CYB5R4: variants seen among roughly 807,000 people sequenced by gnomAD.
CYB5R4 encodes the protein cytochrome b5 reductase 4.
In CYB5R4, 55 loss-of-function variants were observed where a neutral mutation model predicts 70.2. The ratio of observed to expected loss-of-function variants is 0.78; its 90% CI spans 0.63 to 0.98. The LOEUF is 0.98. Ranked by LOEUF, CYB5R4 falls within the 50% of genes least tolerant of loss-of-function variation. CYB5R4 has a pLI of 0.00. For missense variants in CYB5R4, 562 were observed against 612.6 expected (o/e 0.92, Z 0.87); for synonymous variants, 197 against 199.5 (o/e 0.99, Z 0.11).
chr6:83,877,548 A>C (rs1174272610), intron 2 of CYB5R4, among the ~76,000 whole-genome samples: 2 of 137,600 alleles, frequency 1.5e-5, no homozygotes, highest in Non-Finnish European at 3.2e-5. Flanking sequence ...GGGGAAGGGC[A>C]GGAGTGGGTG....
chr6:83,945,299 A>T (rs1046248188), intron 14 of CYB5R4, among the ~76,000 whole-genome samples: 1 of 152,222 alleles, frequency 6.6e-6, no homozygotes, highest in Non-Finnish European at 1.5e-5. Flanking sequence ...GTGGAAACTG[A>T]ACAACCTGCT....
intron 3 of CYB5R4, among the ~76,000 whole-genome samples, chr6:83,899,929 T>A (rs985888800): frequency 1.3e-5 from 2 of 152,292 alleles, no homozygotes; most frequent in Admixed American, 1.3e-4. Context: ...CCTGGATTCA[T>A]TGATTTTTTT....
At chr6:83,916,572 A>G (rs747757088) in intron 5 of CYB5R4, among the ~76,000 whole-genome samples, 1 of 152,132 alleles carries the variant, frequency 6.6e-6, no homozygotes, top group Non-Finnish European at 1.5e-5. Flanking sequence ...TTTAGTGCCC[A>G]CTGCTAATTA....
At chr6:83,920,935 A>G in intron 7 of CYB5R4, 147 bp from the exon 8 acceptor site, 1 of 535,388 alleles carries the variant, frequency 1.9e-6, no homozygotes. Flanking sequence ...GGGTTGTAAG[A>G]GAAAAACAGA....
chr6:83,876,740 A>G (rs2099458617), intron 2 of CYB5R4, among the ~76,000 whole-genome samples: 2 of 152,336 alleles, frequency 1.3e-5, no homozygotes, highest in Admixed American at 1.3e-4. Context: ...AGAGATAAAG[A>G]TAATTAAAAA....
intron 14 of CYB5R4, 123 bp downstream of exon 14, chr6:83,940,724 A>C: frequency 8.8e-7 from 1 of 1,139,730 alleles, no homozygotes; most frequent in Non-Finnish European, 1.2e-6. Flanking sequence ...AAAATAAACC[A>C]ATAATTCTCT....
At chr6:83,949,181 G>A (rs2099471150) in intron 14 of CYB5R4, among the ~76,000 whole-genome samples, 1 of 148,914 alleles carries the variant, frequency 6.7e-6, no homozygotes, top group African/African-American at 2.5e-5. Context: ...CCATGCCTGT[G>A]TATATGGCTT....
chr6:83,906,692 G>A (rs1362171821), intron 3 of CYB5R4, among the ~76,000 whole-genome samples: 2 of 152,138 alleles, frequency 1.3e-5, no homozygotes, highest in Non-Finnish European at 2.9e-5. Context: ...TCTCTGGATG[G>A]TCTATTCAGA....
intron 2 of CYB5R4, among the ~76,000 whole-genome samples, chr6:83,872,792 C>T (rs2099457841): frequency 6.6e-6 from 1 of 152,142 alleles, no homozygotes; most frequent in Non-Finnish European, 1.5e-5. Context: ...TCAGGGAAAA[C>T]GGTATACTTA....
chr6:83,936,129 T>C, intron 11 of CYB5R4, 95 bp from the exon 12 acceptor site: 1 of 827,804 alleles, frequency 1.2e-6, no homozygotes, highest in Non-Finnish European at 1.9e-6. Context: ...TAGTTTTAAA[T>C]ATATACTGAT....
At chr6:83,885,218 A>G (rs1338393220) in intron 2 of CYB5R4, among the ~76,000 whole-genome samples, 1 of 152,222 alleles carries the variant, frequency 6.6e-6, no homozygotes, top group Non-Finnish European at 1.5e-5. Flanking sequence ...TGACGACTGT[A>G]TTCTCATGGC....
intron 10 of CYB5R4, among the ~76,000 whole-genome samples, chr6:83,928,204 G>T (rs1248630301): frequency 1.3e-5 from 2 of 152,202 alleles, no homozygotes; most frequent in East Asian, 3.8e-4. Context: ...TTTCAGAAAA[G>T]TATGAGGCAG....
chr6:83,920,942 CAG>C (rs1276603400), intron 7 of CYB5R4, 138 bp from the exon 8 acceptor site: 7 of 555,944 alleles, frequency 1.3e-5, no homozygotes, highest in East Asian at 8.0e-5. Context: ...AAGAGAAAAA[CAG>C]AAGTCACATT....
intron 2 of CYB5R4, among the ~76,000 whole-genome samples, chr6:83,874,605 C>T (rs1232969102): frequency 6.6e-6 from 1 of 150,846 alleles, no homozygotes; most frequent in Non-Finnish European, 1.5e-5. Flanking sequence ...GGCCATTGGT[C>T]GTCCTTTATT....
Position 83,922,425 on chromosome 6 carries a change from T to A in CYB5R4, c.659-13T>A, listed in dbSNP as rs200048007. The A allele has an allele frequency of 9.1e-5, 146 of 1,605,434 alleles. No individual in the cohort carries two copies. The African/African-American group carries it at 1.9e-3, about 21-fold the overall frequency. Reference sequence around the variant, plus strand: ...GAAGTTCTATTTTAACTAAATAAATTTGTCTGTCCTAGGGCTAAGCCATGA... The same window carrying A: ...GAAGTTCTATTTTAACTAAATAAATATGTCTGTCCTAGGGCTAAGCCATGA... On this transcript the variant is annotated splice_polypyrimidine_tract_variant and intron_variant, in intron 8 of 15. Transcript: ENST00000369681.
chr6:83,864,903 A>G (rs1289948408), intron 2 of CYB5R4, among the ~76,000 whole-genome samples: 1 of 152,166 alleles, frequency 6.6e-6, no homozygotes, highest in African/African-American at 2.4e-5. Context: ...AAGGTAGCTG[A>G]TAAAAGCTGA....
At chr6:83,952,711 A>C (rs1481492350) in intron 14 of CYB5R4, among the ~76,000 whole-genome samples, 1 of 152,210 alleles carries the variant, frequency 6.6e-6, no homozygotes, top group Non-Finnish European at 1.5e-5. Context: ...TGAGGAAACA[A>C]GATAGGCTAA....
At position 83,967,404 on chromosome 6, in the gene CYB5R4, A is replaced by C. The variant is rs1789698523; in HGVS notation, c.*7526A>C. 1 of 152,344 alleles carries C rather than the reference A, an allele frequency of 6.6e-6. No homozygotes were observed. The highest frequency in any genetic ancestry group is 1.9e-4 in the East Asian group (1 of 5,182). The allele number at this position is 152,344 out of a possible 1,614,324, so 9.4% of individuals were successfully genotyped here. ...AAGATGTGAAATAATGCAAACGCATAATAAAAAATGTCATCTGGTCTCCAG... is the reference window on the plus strand; with the variant it reads ...AAGATGTGAAATAATGCAAACGCATCATAAAAAATGTCATCTGGTCTCCAG... On this transcript the variant is annotated 3_prime_UTR_variant, in exon 16 of 16. Transcript: ENST00000369681.
At chr6:83,868,784 T>A (rs1170196997) in intron 2 of CYB5R4, among the ~76,000 whole-genome samples, 1 of 152,202 alleles carries the variant, frequency 6.6e-6, no homozygotes, top group East Asian at 1.9e-4. Flanking sequence ...ATCAGACTGT[T>A]TTTACTGTAA....
Sources: allele counts gnomAD v4.1 joint callset (sites outside exome capture counted in the v4.1 genomes callset), GRCh38; gene constraint gnomAD v4.1.1; transcripts MANE v1.5; gene names NCBI Gene and HGNC (gene_info 2026-07-23, HGNC 2026-07-21).